The following SGCD variants were observed in gnomAD, a reference collection of about 807,000 sequenced individuals.
SGCD encodes delta-sarcoglycan.
A neutral mutation model predicts 36.6 loss-of-function variants in SGCD; 18 were observed. The observed-to-expected ratio is 0.49, with a 90% CI of 0.34 to 0.73. SGCD has a LOEUF of 0.73. Among genes scored for constraint, SGCD ranks in the 30% least tolerant of loss-of-function variants. SGCD has a pLI of 0.01. For synonymous variants in SGCD, 133 were observed against 130.6 expected (o/e 1.02, Z -0.12); for missense variants, 387 against 346.7 (o/e 1.12, Z -0.92).
At chr5:156,345,796 A>G (rs181447312) in intron 3 of SGCD, among the ~76,000 whole-genome samples, 2 of 152,298 alleles carry the variant, frequency 1.3e-5, no homozygotes, top group East Asian at 1.9e-4. Flanking sequence ...TCATGTGACA[A>G]TCCCAAATAT....
chr5:156,668,250 G>T (rs1307818705), intron 7 of SGCD, among the ~76,000 whole-genome samples: 2 of 152,176 alleles, frequency 1.3e-5, no homozygotes, highest in African/African-American at 4.8e-5. Flanking sequence ...ACATGCAGTT[G>T]TCTCTCTTTC....
At chr5:156,601,996 T>C (rs561513294) in intron 6 of SGCD, among the ~76,000 whole-genome samples, 2 of 152,164 alleles carry the variant, frequency 1.3e-5, no homozygotes, top group Non-Finnish European at 2.9e-5. Flanking sequence ...ATTGGTATTT[T>C]TGATAGGGAT....
At chr5:155,783,657 C>T in the SGCD span, among the ~76,000 whole-genome samples, 1 of 152,002 alleles carries the variant, frequency 6.6e-6, no homozygotes. Flanking sequence ...GATTAATTGT[C>T]CTCAATTAAT....
At chr5:156,575,853 T>C (rs149941185) in intron 4 of SGCD, among the ~76,000 whole-genome samples, 2 of 152,230 alleles carry the variant, frequency 1.3e-5, no homozygotes, top group East Asian at 3.9e-4. Context: ...AATACTAACA[T>C]GGACTGTGCA....
chr5:156,371,872 A>G (rs914930358), intron 3 of SGCD, among the ~76,000 whole-genome samples: 6 of 152,238 alleles, frequency 3.9e-5, no homozygotes, highest in African/African-American at 1.4e-4. Flanking sequence ...AAGACACAAG[A>G]CATGTTGACT....
chr5:156,424,321 C>T (rs1773572022), intron 3 of SGCD, among the ~76,000 whole-genome samples: 1 of 152,010 alleles, frequency 6.6e-6, no homozygotes, highest in Non-Finnish European at 1.5e-5. Context: ...TGATGCCTAA[C>T]AATACACACC....
At chr5:156,596,370 T>C (rs1760926131) in intron 6 of SGCD, among the ~76,000 whole-genome samples, 1 of 152,176 alleles carries the variant, frequency 6.6e-6, no homozygotes. Context: ...CTGTGCCTGC[T>C]TGCTTACCTG....
chr5:156,335,454 A>T (rs552985907), intron 2 of SGCD, among the ~76,000 whole-genome samples: 7 of 152,096 alleles, frequency 4.6e-5, no homozygotes, highest in Non-Finnish European at 1.0e-4. Flanking sequence ...AATAATACTC[A>T]TATCCTGGAG....
chr5:155,898,913 G>A (rs529131620), intron 1 of SGCD, among the ~76,000 whole-genome samples: 4 of 152,240 alleles, frequency 2.6e-5, no homozygotes, highest in East Asian at 3.9e-4. Flanking sequence ...TGTGGCTCAC[G>A]GGCTACTTCA....
At chr5:156,417,752 C>G (rs1007843970) in intron 3 of SGCD, among the ~76,000 whole-genome samples, 10 of 152,094 alleles carry the variant, frequency 6.6e-5, no homozygotes, top group African/African-American at 2.2e-4. Flanking sequence ...ATACTTAGTA[C>G]AGTCACATAG....
At chr5:155,983,820 C>A (rs1159305594) in intron 1 of SGCD, among the ~76,000 whole-genome samples, 2 of 152,158 alleles carry the variant, frequency 1.3e-5, no homozygotes, top group African/African-American at 4.8e-5. Flanking sequence ...TTAGTAATCC[C>A]TATGATTGTG....
At chr5:156,105,296 C>CCA (rs1252305700) in intron 1 of SGCD, among the ~76,000 whole-genome samples, 1 of 152,014 alleles carries the variant, frequency 6.6e-6, no homozygotes, top group South Asian at 2.1e-4. Context: ...ACCAAAAAGA[C>CCA]CACACACACA....
chr5:156,375,451 C>T (rs1770609964), intron 3 of SGCD, among the ~76,000 whole-genome samples: 1 of 141,164 alleles, frequency 7.1e-6, no homozygotes, highest in Non-Finnish European at 1.5e-5. Flanking sequence ...ATGGTGCTAC[C>T]TATGGTCTTG....
At chr5:156,101,104 G>A (rs1474171625) in intron 1 of SGCD, among the ~76,000 whole-genome samples, 1 of 152,156 alleles carries the variant, frequency 6.6e-6, no homozygotes, top group South Asian at 2.1e-4. Flanking sequence ...GAGGGCAATT[G>A]CCAAAACTCA....
chr5:156,360,468 A>C, intron 3 of SGCD, among the ~76,000 whole-genome samples: 1 of 151,990 alleles, frequency 6.6e-6, no homozygotes, highest in African/African-American at 2.4e-5. Flanking sequence ...GGCTGGTCTC[A>C]AACTCCTGAC....
chr5:156,069,288 A>T (rs1760452706), intron 1 of SGCD, among the ~76,000 whole-genome samples: 1 of 152,062 alleles, frequency 6.6e-6, no homozygotes, highest in South Asian at 2.1e-4. Flanking sequence ...TCCATCTTGA[A>T]TTAATTTTTG....
intron 4 of SGCD, among the ~76,000 whole-genome samples, chr5:156,568,601 A>G (rs1023582273): frequency 6.6e-6 from 1 of 152,202 alleles, no homozygotes; most frequent in Non-Finnish European, 1.5e-5. Flanking sequence ...AGAATGGCAT[A>G]CTGTCCACAC....
chr5:156,436,859 C>T (rs1753268680), intron 3 of SGCD, among the ~76,000 whole-genome samples: 1 of 152,138 alleles, frequency 6.6e-6, no homozygotes, highest in South Asian at 2.1e-4. Context: ...CTAACCAACT[C>T]AGCCAAGTCT....
intron 3 of SGCD, among the ~76,000 whole-genome samples, chr5:156,493,048 G>C (rs553094847): frequency 6.6e-6 from 1 of 152,226 alleles, no homozygotes; most frequent in East Asian, 1.9e-4. Context: ...CTTTATAGTA[G>C]AATGATTTAT....
Sources: gnomAD v4.1 joint callset for allele counts (sites outside exome capture counted in the v4.1 genomes callset) on GRCh38, gnomAD v4.1.1 for gene constraint, MANE v1.5 for transcripts, NCBI Gene and HGNC (gene_info 2026-07-23, HGNC 2026-07-21) for gene names.